Variants in GRIN3A observed in about 807,000 individuals in gnomAD.
GRIN3A encodes the protein glutamate receptor ionotropic, NMDA 3A.
Under a neutral mutation model 92.4 loss-of-function variants are expected in GRIN3A, and 47 were observed. That is an observed-to-expected ratio of 0.51 (90% CI 0.40 to 0.65). GRIN3A has a LOEUF of 0.65. Ranked by LOEUF, GRIN3A falls within the 30% of genes least tolerant of loss-of-function variation. GRIN3A has a pLI of 0.00. For synonymous variants in GRIN3A, 527 were observed against 540.6 expected (o/e 0.97, Z 0.35); for missense variants, 1,324 against 1,393.1 (o/e 0.95, Z 0.79).
intron 4 of GRIN3A, among the ~76,000 whole-genome samples, chr9:101,625,046 C>A (rs1015925276): frequency 3.3e-5 from 5 of 152,050 alleles, no homozygotes; most frequent in African/African-American, 1.2e-4. Flanking sequence ...GAAAAGCAAC[C>A]ATTTTGTGCA....
chr9:101,650,826 C>T (rs757958152), intron 3 of GRIN3A, among the ~76,000 whole-genome samples: 7 of 151,950 alleles, frequency 4.6e-5, no homozygotes, highest in South Asian at 2.1e-4. Flanking sequence ...CCCCCCCACA[C>T]ACATTTTGTT....
intron 6 of GRIN3A, among the ~76,000 whole-genome samples, chr9:101,610,878 C>G (rs1175855099): frequency 1.3e-5 from 2 of 152,070 alleles, no homozygotes; most frequent in African/African-American, 4.8e-5. Context: ...GCGGGCAGAT[C>G]ATGAACTCAG....
chr9:101,646,937 T>C (rs549367291), intron 3 of GRIN3A, among the ~76,000 whole-genome samples: 4 of 151,786 alleles, frequency 2.6e-5, no homozygotes, highest in Non-Finnish European at 5.9e-5. Context: ...AAAAAATCTG[T>C]GAAAAAGGAT....
intron 6 of GRIN3A, among the ~76,000 whole-genome samples, chr9:101,607,116 C>T (rs1037139075): frequency 6.6e-6 from 1 of 150,868 alleles, no homozygotes; most frequent in South Asian, 2.1e-4. Context: ...CCTGCAATTT[C>T]CTAAGTGACT....
intron 5 of GRIN3A, among the ~76,000 whole-genome samples, chr9:101,614,791 G>C (rs934996689): frequency 6.6e-6 from 1 of 150,824 alleles, no homozygotes; most frequent in Non-Finnish European, 1.5e-5. Flanking sequence ...GCTAATTTTT[G>C]TATTTTTTGT....
intron 3 of GRIN3A, among the ~76,000 whole-genome samples, chr9:101,641,425 G>A (rs556209536): frequency 9.8e-5 from 15 of 152,286 alleles, no homozygotes; most frequent in African/African-American, 3.6e-4. Flanking sequence ...AGAAAATGTG[G>A]CACATATACA....
intron 6 of GRIN3A, among the ~76,000 whole-genome samples, chr9:101,602,418 C>T (rs553652403): frequency 1.9e-4 from 29 of 152,196 alleles, no homozygotes; most frequent in Non-Finnish European, 3.7e-4. Flanking sequence ...GAGGCAACTC[C>T]TCTCTGCACA....
intron 1 of GRIN3A, among the ~76,000 whole-genome samples, chr9:101,729,465 A>G (rs1371269219): frequency 1.3e-5 from 2 of 152,012 alleles, no homozygotes; most frequent in Non-Finnish European, 1.5e-5. Flanking sequence ...TCCATCTTCA[A>G]TGTGTGTCAC....
At chr9:101,709,020 A>G (rs1011814053) in intron 1 of GRIN3A, among the ~76,000 whole-genome samples, 1 of 152,192 alleles carries the variant, frequency 6.6e-6, no homozygotes, top group Non-Finnish European at 1.5e-5. Flanking sequence ...AAATATTCCT[A>G]TGACCCTTGG....
At chr9:101,730,440 A>G (rs904700528) in intron 1 of GRIN3A, among the ~76,000 whole-genome samples, 1 of 152,154 alleles carries the variant, frequency 6.6e-6, no homozygotes, top group Non-Finnish European at 1.5e-5. Flanking sequence ...CTAGGTACAT[A>G]TGGTGCAGTC....
At chr9:101,735,629 A>G (rs181759613) in intron 1 of GRIN3A, among the ~76,000 whole-genome samples, 53 of 152,078 alleles carry the variant, frequency 3.5e-4, no homozygotes, top group African/African-American at 1.3e-3. Context: ...ACTATTGGCC[A>G]CTTACGAAGT....
Position 101,623,310 on chromosome 9 carries a change from A to C in GRIN3A, c.2614+8T>G, listed in dbSNP as rs1828582550. 1.9e-6 allele frequency: 3 copies of C among 1,578,374 alleles called. No individual in the cohort carries two copies. Among genetic ancestry groups the C allele is most frequent in the Middle Eastern group, 1.7e-4 (1 of 6,020 alleles). ...AGTAAAAGTGAATCAAGAGTGACTG[A>C]TTAATACCTTCTATGGCAAATGGCT... On this transcript the variant is annotated splice_region_variant and intron_variant, in intron 5 of 8. Transcript: ENST00000361820.
In GRIN3A at chr9:101,737,385, A is replaced by T. The variant is rs1278988770; in HGVS notation, c.595T>A (p.Phe199Ile). The change falls in exon 1 of 9, where the codon TTC becomes ATC. Residue 199 changes from phenylalanine to isoleucine, a missense_variant. Coordinates refer to ENST00000361820, the MANE Select transcript of GRIN3A (RefSeq NM_133445.3). ...VVQGVSALLA[F>I]PQSQGEMMEL... ...ATCATTTCGCCCTGGCTCTGGGGGA[A>T]GGCGAGCAGCGCCGACACCCCTTGC... is the stretch of plus-strand genomic sequence containing the variant. The T allele has an allele frequency of 1.2e-6, 2 of 1,614,100 alleles. No homozygotes were observed. The highest frequency in any genetic ancestry group is 8.5e-7 in the Non-Finnish European group (1 of 1,180,034).
intron 6 of GRIN3A, among the ~76,000 whole-genome samples, chr9:101,604,927 G>T (rs532115202): frequency 3.3e-5 from 5 of 152,098 alleles, no homozygotes; most frequent in African/African-American, 1.2e-4. Flanking sequence ...TGCTGTGAGA[G>T]AACTCCATTT....
At chr9:101,680,931 C>G (rs187084930) in intron 2 of GRIN3A, among the ~76,000 whole-genome samples, 1 of 152,280 alleles carries the variant, frequency 6.6e-6, no homozygotes, top group East Asian at 1.9e-4. Context: ...AATAAACGAT[C>G]AGAACTATGG....
chr9:101,703,850 C>T (rs1338939553), intron 1 of GRIN3A, among the ~76,000 whole-genome samples: 1 of 152,130 alleles, frequency 6.6e-6, no homozygotes, highest in Admixed American at 6.5e-5. Context: ...GTCTTTTTGG[C>T]TGCCTCTGTC....
chr9:101,573,300 T>C lies in GRIN3A; in HGVS notation c.3222A>G (p.Ser1074=). The part of the protein sequence containing the change: ...KADSLNVSRN[S]VMQELSELEK... ...CGAGCTCTGAGAGTTCCTGCATCAC[T>C]GAGTTCCGAGATACATTTAGGGAGT... Residue 1074 remains serine (S), a synonymous_variant, in exon 9 of 9, where the codon TCA becomes TCG. Coordinates refer to ENST00000361820, the MANE Select transcript of GRIN3A (RefSeq NM_133445.3). 1 of 1,613,934 alleles carries C rather than the reference T, an allele frequency of 6.2e-7. No homozygotes were observed. The highest frequency in any genetic ancestry group is 1.3e-5 in the African/African-American group (1 of 75,014).
intron 3 of GRIN3A, among the ~76,000 whole-genome samples, chr9:101,648,936 G>A (rs1249003778): frequency 6.6e-6 from 1 of 151,836 alleles, no homozygotes; most frequent in Non-Finnish European, 1.5e-5. Flanking sequence ...AACTTATAGT[G>A]AGCACTGGAA....
intron 7 of GRIN3A, among the ~76,000 whole-genome samples, chr9:101,578,200 CAAA>C (rs1827850116): frequency 1.3e-5 from 2 of 152,040 alleles, no homozygotes; most frequent in African/African-American, 4.8e-5. Context: ...ACAACCAAAA[CAAA>C]GAAGGGAAGG....
Sources: allele counts gnomAD v4.1 joint callset (sites outside exome capture counted in the v4.1 genomes callset), GRCh38; gene constraint gnomAD v4.1.1; transcripts MANE v1.5; gene names NCBI Gene and HGNC (gene_info 2026-07-23, HGNC 2026-07-21).